The following SPATA13 variants were observed in gnomAD, a reference collection of about 807,000 sequenced individuals.
SPATA13 encodes the protein spermatogenesis-associated protein 13.
A neutral mutation model predicts 104.0 loss-of-function variants in SPATA13; 50 were observed. The ratio of observed to expected loss-of-function variants is 0.48; its 90% CI spans 0.38 to 0.61. The LOEUF is 0.61. Ranked by LOEUF, SPATA13 falls within the 20% of genes least tolerant of loss-of-function variation. SPATA13 has a pLI of 0.00. For missense variants in SPATA13, 1,524 were observed against 1,690.6 expected, an observed-to-expected ratio of 0.90 and a Z score of 1.73; for synonymous variants, 606 against 667.5, an observed-to-expected ratio of 0.91 and a Z score of 1.42.
At position 24,305,352 on chromosome 13, in the gene SPATA13, C is replaced by G. The variant is rs990562295; in HGVS notation, c.*2579C>G. The G allele has an allele frequency of 6.6e-6, 1 of 152,126 alleles. No individual in the cohort carries two copies. Among genetic ancestry groups the G allele is most frequent in the African/African-American group, 2.4e-5 (1 of 41,448 alleles). 9.4% of individuals were successfully genotyped at this position (152,126 alleles called of 1,614,324 possible). The stretch of plus-strand genomic sequence containing the variant: ...AGTTTTATAGAGTGTGAGGGTCACT[C>G]CATTAAAGATCTCTCCTGGGTGGAT... On this transcript the variant is annotated 3_prime_UTR_variant, in exon 13 of 13. Coordinates refer to ENST00000382108, the MANE Select transcript of SPATA13 (RefSeq NM_001166271.3).
chr13:24,192,942 C>T (rs138497107), intron 1 of SPATA13, among the ~76,000 whole-genome samples: 46 of 152,266 alleles, frequency 3.0e-4, no homozygotes, highest in African/African-American at 1.1e-3. Flanking sequence ...TTCTTTCCTC[C>T]CCCTGCTGTT....
At chr13:24,228,733 G>A (rs542754566) in intron 2 of SPATA13, among the ~76,000 whole-genome samples, 10 of 152,226 alleles carry the variant, frequency 6.6e-5, no homozygotes, top group Admixed American at 2.0e-4. Context: ...CTCATTAACA[G>A]TAAGGTTCTA....
intron 2 of SPATA13, among the ~76,000 whole-genome samples, chr13:24,231,024 C>G (rs1214695398): frequency 3.9e-5 from 6 of 152,130 alleles, no homozygotes. Context: ...GTGTGTGCAG[C>G]CACTACCACC....
At chr13:24,171,599 C>T (rs1443801566) in intron 1 of SPATA13, among the ~76,000 whole-genome samples, 1 of 152,252 alleles carries the variant, frequency 6.6e-6, no homozygotes, top group East Asian at 1.9e-4. Flanking sequence ...TGGTGCCCCA[C>T]TGGGTCAGCT....
chr13:24,054,403 A>G (rs1160190305), intron 3 of SPATA13, among the ~76,000 whole-genome samples: 1 of 152,228 alleles, frequency 6.6e-6, no homozygotes, highest in African/African-American at 2.4e-5. Flanking sequence ...TAAGGCTACT[A>G]CTGGCAGTGG....
intron 3 of SPATA13, among the ~76,000 whole-genome samples, chr13:24,074,505 T>C (rs926988661): frequency 1.3e-5 from 2 of 152,160 alleles, no homozygotes; most frequent in African/African-American, 4.8e-5. Context: ...GTACTCATGA[T>C]GACTGTCCCT....
At chr13:24,002,638 T>G (rs1196501110) in intron 2 of SPATA13, among the ~76,000 whole-genome samples, 1 of 152,118 alleles carries the variant, frequency 6.6e-6, no homozygotes, top group Non-Finnish European at 1.5e-5. Context: ...ATTCACCAGT[T>G]CCTGGAGTCT....
intron 3 of SPATA13, among the ~76,000 whole-genome samples, chr13:24,028,221 T>C (rs1228403798): frequency 2.0e-5 from 3 of 152,226 alleles, no homozygotes; most frequent in African/African-American, 7.2e-5. Context: ...TACCATTTTC[T>C]TTGCTCATCA....
In SPATA13 at chr13:24,149,378, G is replaced by A. The variant is rs569094240; in HGVS notation, c.-111-73441G>A. 7.2e-5 allele frequency among the ~76,000 whole-genome samples: 11 copies of A among 152,274 alleles called. No individual in the cohort carries two copies. The South Asian group carries it at 8.3e-4, about 11-fold the overall frequency. On this transcript the variant is annotated intron_variant, in intron 3 of 14. Transcript: ENST00000424834. ...ATGTGAGATCGTGGGGGTGAAATAC[G>A]CATCTCACTGTGGGCTGTGGTCGGA...
chr13:24,170,154 G>GC (rs1336568075), intron 1 of SPATA13, among the ~76,000 whole-genome samples: 1 of 152,190 alleles, frequency 6.6e-6, no homozygotes, highest in Non-Finnish European at 1.5e-5. Context: ...TCCAGCCACT[G>GC]CCTCAGTATG....
At chr13:24,293,305 G>A (rs980961158) in intron 9 of SPATA13, among the ~76,000 whole-genome samples, 1 of 151,320 alleles carries the variant, frequency 6.6e-6, no homozygotes, top group Non-Finnish European at 1.5e-5. Context: ...ACCTTCTACA[G>A]ATTTTCAAAG....
intron 2 of SPATA13, among the ~76,000 whole-genome samples, chr13:24,245,017 C>A (rs1330773342): frequency 6.6e-6 from 1 of 152,178 alleles, no homozygotes; most frequent in Non-Finnish European, 1.5e-5. Context: ...AGAGCTCTGG[C>A]ATGGCCGTGG....
At chr13:23,996,496 T>C (rs1875700875) in intron 2 of SPATA13, among the ~76,000 whole-genome samples, 1 of 152,142 alleles carries the variant, frequency 6.6e-6, no homozygotes, top group African/African-American at 2.4e-5. Context: ...ATAATATTTA[T>C]GGACAGAGGA....
intron 3 of SPATA13, among the ~76,000 whole-genome samples, chr13:24,027,845 G>A (rs916754570): frequency 1.3e-5 from 2 of 151,404 alleles, no homozygotes; most frequent in Non-Finnish European, 2.9e-5. Flanking sequence ...AACCCTTCAG[G>A]AGTGCCCTTC....
chr13:24,191,501 CTTTTTTTTTTTTT>C (rs57437676), intron 1 of SPATA13, among the ~76,000 whole-genome samples: 2 of 67,422 alleles, frequency 3.0e-5, no homozygotes, highest in African/African-American at 4.9e-5. Context: ...ACATTGCTTT[CTTTTTTTTTTTTT>C]TTTTTTTTTT....
intron 4 of SPATA13, chr13:24,270,776 C>T (rs1874538674): frequency 1.2e-6 from 2 of 1,607,746 alleles, no homozygotes; most frequent in Non-Finnish European, 1.7e-6. Flanking sequence ...CCAGCCTGTG[C>T]AGTCCTCTGT....
At chr13:24,094,222 G>A (rs1434876230) in intron 3 of SPATA13, among the ~76,000 whole-genome samples, 2 of 152,202 alleles carry the variant, frequency 1.3e-5, no homozygotes, top group African/African-American at 4.8e-5. Context: ...CTGTGCACCC[G>A]TAGGGAGTGT....
chr13:24,291,179 T>C (rs569731943), intron 9 of SPATA13, among the ~76,000 whole-genome samples: 4 of 152,356 alleles, frequency 2.6e-5, no homozygotes, highest in South Asian at 4.1e-4. Context: ...ACCTGTATTT[T>C]ATAAACATGT....
chr13:24,173,806 A>G (rs1320480386), intron 1 of SPATA13, among the ~76,000 whole-genome samples: 1 of 152,204 alleles, frequency 6.6e-6, no homozygotes, highest in Non-Finnish European at 1.5e-5. Flanking sequence ...CCCTGGAATA[A>G]ACCCAAATGG....
Sources: gnomAD v4.1 joint callset for allele counts (sites outside exome capture counted in the v4.1 genomes callset) on GRCh38, gnomAD v4.1.1 for gene constraint, MANE v1.5 for transcripts, NCBI Gene and HGNC (gene_info 2026-07-23, HGNC 2026-07-21) for gene names.